MFAP5: variants seen among roughly 807,000 people sequenced by gnomAD.
The protein encoded by MFAP5 is microfibril associated protein 5.
Under a neutral mutation model 30.1 loss-of-function variants are expected in MFAP5, and 19 were observed. That is an observed-to-expected ratio of 0.63 (90% CI 0.44 to 0.93). The LOEUF (loss-of-function observed/expected upper bound fraction) is 0.93, where lower values mean the gene tolerates loss of function less well. Among genes scored for constraint, MFAP5 ranks in the 40% least tolerant of loss-of-function variants. MFAP5 has a pLI of 0.00. For synonymous variants in MFAP5, 92 were observed against 72.9 expected (o/e 1.26, Z -1.33); for missense variants, 210 against 221.3 (o/e 0.95, Z 0.32).
chr12:8,662,097 A>T lies in MFAP5; in HGVS notation c.8T>A (p.Leu3His). 6.2e-7 allele frequency: 1 copy of T among 1,613,658 alleles called. No homozygotes were observed. The highest frequency in any genetic ancestry group is 8.5e-7 in the Non-Finnish European group (1 of 1,179,978). The part of the protein sequence containing the change: MS[L>H]LGPKVLLFLA... ...AAACAGCAGCACCTTGGGTCCCAAG[A>T]GCGACATATCTATAGGGGTGGTGGG... Residue 3 changes from leucine (L) to histidine (H), a missense_variant, in exon 2 of 10, where the codon CTC becomes CAC. Physicochemically the swap from Leu to His is moderately conservative, Grantham distance 99. Coordinates refer to ENST00000359478, the MANE Select transcript of MFAP5 (RefSeq NM_003480.4).
Position 8,648,142 on chromosome 12 carries a change from G to C in MFAP5, c.471C>G (p.Phe157Leu). 1 of 1,614,040 alleles carries C rather than the reference G, an allele frequency of 6.2e-7. No individual in the cohort carries two copies. The highest frequency in any genetic ancestry group is 8.5e-7 in the Non-Finnish European group (1 of 1,179,946). The change falls in exon 10 of 10, where the codon TTC becomes TTG. Residue 157 changes from phenylalanine to leucine, a missense_variant. By Grantham distance (22) the Phe-to-Leu change is conservative (BLOSUM62 0). Transcript: ENST00000359478. ...CCACATTTTCACAGGGAGGAAGTCG[G>C]AAGTAATTGGAGCGACGGAGTCTCC... is the stretch of plus-strand genomic sequence containing the variant. ...PPRRLRRSNY[F>L]RLPPCENVDL...
At chr12:8,659,267 A>G (rs1942083977) in intron 3 of MFAP5, among the ~76,000 whole-genome samples, 1 of 151,642 alleles carries the variant, frequency 6.6e-6, no homozygotes, top group South Asian at 2.1e-4. Context: ...GAGATCGCGC[A>G]ATTGTACTAC....
chr12:8,648,367 TC>T, intron 9 of MFAP5, 164 bp from the exon 10 acceptor site: 1 of 918,744 alleles, frequency 1.1e-6, no homozygotes, highest in Non-Finnish European at 1.6e-6. Flanking sequence ...ATTTGCCACT[TC>T]CTAGAAAGTT....
chr12:8,655,882 C>A, intron 3 of MFAP5, 52 bp from the exon 4 acceptor site: 2 of 1,502,812 alleles, frequency 1.3e-6, no homozygotes, highest in Non-Finnish European at 9.2e-7. Flanking sequence ...TCCCTGCCAC[C>A]CTTGCACTTC....
intron 2 of MFAP5, 128 bp from the exon 3 acceptor site, chr12:8,661,026 G>A (rs1250937126): frequency 4.5e-6 from 3 of 672,776 alleles, no homozygotes; most frequent in African/African-American, 3.6e-5. Flanking sequence ...TTCCTATATA[G>A]CTCAATATAA....
intron 3 of MFAP5, 117 bp from the exon 4 acceptor site, chr12:8,655,947 G>T (rs1304192156): frequency 1.9e-5 from 15 of 792,422 alleles, no homozygotes; most frequent in Non-Finnish European, 2.9e-5. Flanking sequence ...TCCCACAAAT[G>T]TTTTTCCTTG....
chr12:8,661,534 CT>C, intron 2 of MFAP5, among the ~76,000 whole-genome samples: 1 of 150,274 alleles, frequency 6.7e-6, no homozygotes, highest in East Asian at 1.9e-4. Flanking sequence ...GGTCCAGTTT[CT>C]TTTTTTCTTT....
intron 3 of MFAP5, among the ~76,000 whole-genome samples, chr12:8,659,717 C>T (rs750555475): frequency 4.6e-5 from 7 of 151,958 alleles, no homozygotes; most frequent in Non-Finnish European, 7.3e-5. Context: ...GGACCCACTG[C>T]AAGAAAAATA....
chr12:8,655,634 G>T, intron 4 of MFAP5, 152 bp downstream of exon 4: 1 of 988,772 alleles, frequency 1.0e-6, no homozygotes, highest in Non-Finnish European at 1.5e-6. Flanking sequence ...TGCGTACAGA[G>T]ATGCTGGCAT....
chr12:8,648,040 T>A lies in MFAP5; in HGVS notation c.*51A>T. The A allele has an allele frequency of 7.5e-7, 1 of 1,340,546 alleles. No individual in the cohort carries two copies. The highest frequency in any genetic ancestry group is 1.1e-6 in the Non-Finnish European group (1 of 940,802). The allele number at this position is 1,340,546 out of a possible 1,614,324, so 83.0% of individuals were successfully genotyped here. Reference sequence around the variant, plus strand: ...TGTCAATGGTTGGAGAAGAAGGAGATCCTCCTTCCTCTCACCCATACATTT... The same window carrying A: ...TGTCAATGGTTGGAGAAGAAGGAGAACCTCCTTCCTCTCACCCATACATTT... On this transcript the variant is annotated 3_prime_UTR_variant, in exon 10 of 10. Coordinates refer to ENST00000359478, the MANE Select transcript of MFAP5 (RefSeq NM_003480.4).
rs542056810 is a variant in MFAP5, at chr12:8,648,610, A to G, written c.410-407T>C. On this transcript the variant is annotated intron_variant, in intron 9 of 9. Coordinates refer to ENST00000359478, the MANE Select transcript of MFAP5 (RefSeq NM_003480.4). ...TTCAGTATACATTTACGTGCTTACT[A>G]TGGGCAAACAGCTAACTTTAGGAAG... The G allele has an allele frequency of 3.2e-5, 33 of 1,037,108 alleles. No individual in the cohort carries two copies. The South Asian group carries it at 4.1e-4, about 13-fold the overall frequency. 64.2% of individuals were successfully genotyped at this position (1,037,108 alleles called of 1,614,324 possible). A position where few individuals can be genotyped will look rare whatever the true frequency, so the allele number is the denominator to read the frequency against.
rs56176308 is a variant in MFAP5, at chr12:8,652,445, A to AAAATAAATAAAT, written c.218-766_218-755dup. Among the ~76,000 whole-genome samples the AAAATAAATAAAT allele has an allele frequency of 1.1e-3, 167 of 147,668 alleles. 1 individual carries two copies. Among genetic ancestry groups the AAAATAAATAAAT allele is most frequent in the African/African-American group, 3.9e-3 (155 of 39,848 alleles). Reference sequence around the variant, plus strand: ...AGGTGACAGAGGGAGACTCCATCTCAAAATAAATAAATAAATAAATAAATA... The same window carrying AAAATAAATAAAT: ...AGGTGACAGAGGGAGACTCCATCTCAAAATAAATAAATAAATAAATAAATAAATAAATAAATA... On this transcript the variant is annotated intron_variant, in intron 6 of 9. Coordinates refer to ENST00000359478, the MANE Select transcript of MFAP5 (RefSeq NM_003480.4).
At chr12:8,655,891 T>C in intron 3 of MFAP5, 61 bp from the exon 4 acceptor site, 1 of 1,462,836 alleles carries the variant, frequency 6.8e-7, no homozygotes, top group South Asian at 1.1e-5. Context: ...CCCTTGCACT[T>C]CCAGTAAGTT....
chr12:8,653,358 G>A (rs7979018), intron 6 of MFAP5, among the ~76,000 whole-genome samples: 4,025 of 152,168 alleles, frequency 0.026, 175 homozygotes, highest in African/African-American at 0.091. Context: ...CGGGTTCCAG[G>A]CGATCAATCA....
intron 2 of MFAP5, among the ~76,000 whole-genome samples, 163 bp downstream of exon 2, chr12:8,661,884 T>C (rs1223647285): frequency 2.0e-5 from 3 of 152,182 alleles, no homozygotes; most frequent in Non-Finnish European, 2.9e-5. Context: ...TTCCTGAACT[T>C]TTTTTCTTAA....
rs866125691 is a variant in MFAP5 at position 8,656,597 on chromosome 12, C to T, written c.95-767G>A. Among the ~76,000 whole-genome samples the T allele has an allele frequency of 2.6e-3, 341 of 129,754 alleles. 6 individuals carry two copies. The highest frequency in any genetic ancestry group is 0.011 in the African/African-American group (328 of 28,704). The allele number at this position is 129,754 out of a possible 152,430, so 85.1% of individuals were successfully genotyped here. On this transcript the variant is annotated intron_variant, in intron 3 of 9. Coordinates refer to ENST00000359478, the MANE Select transcript of MFAP5 (RefSeq NM_003480.4). ...TAATATATATATATATATATACACA[C>T]ACACACACACACATATATATACACA...
intron 3 of MFAP5, among the ~76,000 whole-genome samples, chr12:8,660,250 A>G (rs1290831863): frequency 6.8e-6 from 1 of 146,838 alleles, no homozygotes; most frequent in Non-Finnish European, 1.5e-5. Context: ...GTGCAATGGC[A>G]TGATCATGGC....
rs1486971114 is a variant in MFAP5, at chr12:8,646,335, G to C, written c.*1756C>G. ...AACTAGTTTTCTCAGCAATATAAAA[G>C]GAATACAACCTCCACTGTCATATAT... On this transcript the variant is annotated 3_prime_UTR_variant, in exon 10 of 10. Transcript: ENST00000359478. 6.6e-6 allele frequency: 1 copy of C among 152,074 alleles called. No individual in the cohort carries two copies. The highest frequency in any genetic ancestry group is 2.4e-5 in the African/African-American group (1 of 41,402). 9.4% of individuals were successfully genotyped at this position (152,074 alleles called of 1,614,324 possible).
At chr12:8,655,677 GAGCACCCTCCA>G (rs1941962485) in intron 4 of MFAP5, 98 bp downstream of exon 4, 4 of 1,317,032 alleles carry the variant, frequency 3.0e-6, no homozygotes, top group Non-Finnish European at 4.2e-6. Context: ...CATGAGCTCA[GAGCACCCTCCA>G]ACCCTTCTGA....
Sources: allele counts gnomAD v4.1 joint callset (sites outside exome capture counted in the v4.1 genomes callset), GRCh38; gene constraint gnomAD v4.1.1; transcripts MANE v1.5; gene names NCBI Gene and HGNC (gene_info 2026-07-23, HGNC 2026-07-21).